Variants in WWOX observed in about 807,000 individuals in gnomAD.
The protein encoded by WWOX is WW domain containing oxidoreductase, also known as WW domain-containing oxidoreductase.
In WWOX, 69 loss-of-function variants were observed where a neutral mutation model predicts 46.2. That is an observed-to-expected ratio of 1.49 (90% CI 1.23 to 1.82). The LOEUF (loss-of-function observed/expected upper bound fraction) is 1.82, where lower values mean the gene tolerates loss of function less well. Ranked by LOEUF, WWOX falls within the 40% of genes most tolerant of loss-of-function variation. The probability of loss-of-function intolerance (pLI) is 0.00; values close to 1 mark genes in which losing one functional copy is unlikely to be tolerated. For synonymous variants in WWOX, 359 were observed against 202.6 expected, an observed-to-expected ratio of 1.77 and a Z score of -6.56; for missense variants, 919 against 542.6, an observed-to-expected ratio of 1.69 and a Z score of -6.89.
chr16:78,148,320 G>A, intron 4 of WWOX, among the ~76,000 whole-genome samples: 1 of 152,182 alleles, frequency 6.6e-6, no homozygotes, highest in East Asian at 1.9e-4. Flanking sequence ...GCATGCCTGT[G>A]TGTGTCATTG....
chr16:78,574,142 T>C (rs2044788210), intron 8 of WWOX, among the ~76,000 whole-genome samples: 1 of 152,230 alleles, frequency 6.6e-6, no homozygotes, highest in Admixed American at 6.5e-5. Context: ...CAACAGTTCC[T>C]GAATATCTGG....
chr16:79,187,487 A>G (rs1018630622), intron 8 of WWOX, among the ~76,000 whole-genome samples: 6 of 152,182 alleles, frequency 3.9e-5, no homozygotes, highest in African/African-American at 1.4e-4. Context: ...TGCATTCTCC[A>G]TTTCCCAGGT....
chr16:79,179,924 G>C (rs1008080843), intron 8 of WWOX, among the ~76,000 whole-genome samples: 1 of 152,178 alleles, frequency 6.6e-6, no homozygotes, highest in Non-Finnish European at 1.5e-5. Context: ...GAAGTGACTT[G>C]TCCAAGGACA....
At chr16:79,156,857 G>A (rs1418250179) in intron 8 of WWOX, among the ~76,000 whole-genome samples, 1 of 140,770 alleles carries the variant, frequency 7.1e-6, no homozygotes, top group East Asian at 2.0e-4. Flanking sequence ...TTCTCTACAG[G>A]CTGAAGGAAA....
chr16:78,368,805 G>T (rs1185480314), intron 5 of WWOX, among the ~76,000 whole-genome samples: 2 of 152,174 alleles, frequency 1.3e-5, no homozygotes, highest in African/African-American at 4.8e-5. Flanking sequence ...TGGGCCATGG[G>T]ATAGGTGACT....
At chr16:78,448,306 A>G (rs1435539298) in intron 8 of WWOX, among the ~76,000 whole-genome samples, 3 of 152,264 alleles carry the variant, frequency 2.0e-5, no homozygotes, top group South Asian at 2.1e-4. Flanking sequence ...ATAAAACTCT[A>G]TGTATTAGTT....
intron 8 of WWOX, among the ~76,000 whole-genome samples, chr16:78,553,586 A>G (rs1444132324): frequency 4.6e-5 from 7 of 152,162 alleles, no homozygotes; most frequent in Non-Finnish European, 8.8e-5. Flanking sequence ...AAGAAAGCCT[A>G]CAAGGGAGCA....
At chr16:78,244,503 G>C (rs766280843) in intron 5 of WWOX, among the ~76,000 whole-genome samples, 2 of 152,170 alleles carry the variant, frequency 1.3e-5, no homozygotes, top group Non-Finnish European at 2.9e-5. Context: ...CCATGGTCTT[G>C]CCACATTGCA....
chr16:78,411,668 T>C (rs1226178013), intron 6 of WWOX, among the ~76,000 whole-genome samples: 1 of 152,200 alleles, frequency 6.6e-6, no homozygotes, highest in East Asian at 1.9e-4. Context: ...AGTATTTTAA[T>C]AAGTTTAACT....
At chr16:78,174,990 A>AAAT (rs1452475777) in intron 5 of WWOX, among the ~76,000 whole-genome samples, 3 of 65,824 alleles carry the variant, frequency 4.6e-5, no homozygotes, top group East Asian at 4.6e-4. Context: ...TCTGTCTCAA[A>AAAT]AATAATAGTA....
chr16:79,187,943 G>A (rs2051052106), intron 8 of WWOX, among the ~76,000 whole-genome samples: 1 of 152,184 alleles, frequency 6.6e-6, no homozygotes, highest in South Asian at 2.1e-4. Flanking sequence ...GGCAAGGCAC[G>A]ATTGATAATG....
At chr16:79,064,228 T>G (rs1483661516) in intron 8 of WWOX, among the ~76,000 whole-genome samples, 1 of 152,194 alleles carries the variant, frequency 6.6e-6, no homozygotes, top group African/African-American at 2.4e-5. Context: ...ATATACGAAG[T>G]GTTGTAATAC....
intron 8 of WWOX, among the ~76,000 whole-genome samples, chr16:78,644,431 G>C (rs984654437): frequency 6.6e-6 from 1 of 151,992 alleles, no homozygotes; most frequent in Non-Finnish European, 1.5e-5. Flanking sequence ...GCGTCAGGGA[G>C]CGTATTTTCA....
intron 8 of WWOX, among the ~76,000 whole-genome samples, chr16:78,536,221 T>C (rs895903586): frequency 2.6e-5 from 4 of 152,134 alleles, no homozygotes; most frequent in African/African-American, 9.7e-5. Flanking sequence ...CTCCTCCCTT[T>C]TGCCCCCACC....
chr16:78,323,220 C>A (rs2080528035), intron 5 of WWOX, among the ~76,000 whole-genome samples: 1 of 152,110 alleles, frequency 6.6e-6, no homozygotes, highest in Admixed American at 6.5e-5. Flanking sequence ...CATTCTCCTG[C>A]CTCAGCCTCC....
intron 6 of WWOX, among the ~76,000 whole-genome samples, chr16:78,415,120 T>A (rs2082768985): frequency 6.7e-6 from 1 of 149,026 alleles, no homozygotes; most frequent in Non-Finnish European, 1.5e-5. Flanking sequence ...TAATATATAT[T>A]TTATGTAACT....
At chr16:79,136,477 C>A (rs946708893) in intron 8 of WWOX, among the ~76,000 whole-genome samples, 9 of 152,198 alleles carry the variant, frequency 5.9e-5, no homozygotes, top group Non-Finnish European at 1.3e-4. Flanking sequence ...GATCCACCCG[C>A]CTCGGCCTCC....
chr16:79,212,384 A>G lies in WWOX; in HGVS notation c.*588A>G, dbSNP rs1422919446. On this transcript the variant is annotated 3_prime_UTR_variant, in exon 9 of 9. Transcript: ENST00000566780. Reference sequence around the variant, plus strand: ...AGGGAGTAGAATACGCAGAACTACCAGGTGGCAAAGTACTTGTCATAGACT... The same window carrying G: ...AGGGAGTAGAATACGCAGAACTACCGGGTGGCAAAGTACTTGTCATAGACT... 2.1e-6 allele frequency: 1 copy of G among 486,104 alleles called. No individual in the cohort carries two copies. The highest frequency in any genetic ancestry group is 3.6e-6 in the Non-Finnish European group (1 of 278,832). The allele number at this position is 486,104 out of a possible 1,614,324, so 30.1% of individuals were successfully genotyped here. A position where few individuals can be genotyped will look rare whatever the true frequency, so the allele number is the denominator to read the frequency against.
chr16:78,656,922 C>A (rs1333414231), intron 8 of WWOX, among the ~76,000 whole-genome samples: 2 of 152,170 alleles, frequency 1.3e-5, no homozygotes, highest in African/African-American at 4.8e-5. Context: ...TGTCGATACA[C>A]CGCTGCTCTG....
Sources: gnomAD v4.1 joint callset for allele counts (sites outside exome capture counted in the v4.1 genomes callset) on GRCh38, gnomAD v4.1.1 for gene constraint, MANE v1.5 for transcripts, NCBI Gene and HGNC (gene_info 2026-07-23, HGNC 2026-07-21) for gene names.